The following SAMM50 variants were observed in gnomAD, a reference collection of about 807,000 sequenced individuals.
SAMM50 encodes the protein SAMM50 sorting and assembly machinery component, also known as sorting and assembly machinery component 50 homolog.
In SAMM50, 47 loss-of-function variants were observed where a neutral mutation model predicts 66.9. The observed-to-expected ratio is 0.70, with a 90% CI of 0.56 to 0.90. SAMM50 has a LOEUF of 0.90. Among genes scored for constraint, SAMM50 ranks in the 40% least tolerant of loss-of-function variants. SAMM50 has a pLI of 0.00. For synonymous variants in SAMM50, 191 were observed against 214.1 expected, an observed-to-expected ratio of 0.89 and a Z score of 0.94; for missense variants, 535 against 595.3, an observed-to-expected ratio of 0.90 and a Z score of 1.05.
chr22:43,961,356 G>T lies in SAMM50; in HGVS notation c.22-1930G>T, dbSNP rs370332630. 3.3e-4 allele frequency among the ~76,000 whole-genome samples: 51 copies of T among 152,252 alleles called. No individual in the cohort carries two copies. In the South Asian group the frequency reaches 9.9e-3, roughly 30 times the overall value. On this transcript the variant is annotated intron_variant, in intron 1 of 14. Coordinates refer to ENST00000350028, the MANE Select transcript of SAMM50 (RefSeq NM_015380.5). ...CGTGTGGTTAAGCATGTGTCCCAGA[G>T]ACTTATGGTCAAGCAAACATAGGAA...
At chr22:43,993,604 G>C (rs374163081) in intron 14 of SAMM50, among the ~76,000 whole-genome samples, 1 of 152,358 alleles carries the variant, frequency 6.6e-6, no homozygotes, top group African/African-American at 2.4e-5. Flanking sequence ...GGTGGCAGCT[G>C]TTCAGATGTT....
chr22:43,980,125 T>TCCATCCATCCACCC (rs2050255937), intron 10 of SAMM50, among the ~76,000 whole-genome samples: 11 of 40,028 alleles, frequency 2.7e-4, no homozygotes, highest in Non-Finnish European at 4.3e-4. Flanking sequence ...CCCACCCACC[T>TCCATCCATCCACCC]ACCCACCCAC....
chr22:43,985,304 T>C (rs1002585396), intron 12 of SAMM50, among the ~76,000 whole-genome samples: 6 of 151,928 alleles, frequency 3.9e-5, no homozygotes, highest in Non-Finnish European at 5.9e-5. Context: ...GCATTCACCA[T>C]TCCAGGATCA....
At chr22:43,956,733 G>A (rs891934434) in intron 1 of SAMM50, among the ~76,000 whole-genome samples, 1 of 152,212 alleles carries the variant, frequency 6.6e-6, no homozygotes. Flanking sequence ...ATGGGACAGG[G>A]AGATGAGGAA....
chr22:43,960,173 C>T (rs2050140812), intron 1 of SAMM50, among the ~76,000 whole-genome samples: 1 of 152,084 alleles, frequency 6.6e-6, no homozygotes, highest in Admixed American at 6.6e-5. Flanking sequence ...TTACTTTGTT[C>T]ATATTTTTGA....
chr22:43,967,541 C>G (rs564222865), intron 3 of SAMM50, among the ~76,000 whole-genome samples: 1 of 152,330 alleles, frequency 6.6e-6, no homozygotes, highest in African/African-American at 2.4e-5. Context: ...GTCTGTCCTC[C>G]CCTCCAATAC....
intron 1 of SAMM50, among the ~76,000 whole-genome samples, chr22:43,960,329 A>G (rs569781561): frequency 3.3e-5 from 5 of 152,348 alleles, no homozygotes; most frequent in African/African-American, 1.2e-4. Context: ...CACCCAGCAC[A>G]CAGTGGACTT....
At chr22:43,977,163 CAGG>C (rs2050237049) in intron 9 of SAMM50, among the ~76,000 whole-genome samples, 1 of 152,198 alleles carries the variant, frequency 6.6e-6, no homozygotes, top group Admixed American at 6.5e-5. Flanking sequence ...TCAATGGCTG[CAGG>C]GCAGGTGCAT....
chr22:43,989,953 A>T (rs1233395829), intron 13 of SAMM50, among the ~76,000 whole-genome samples: 1 of 152,188 alleles, frequency 6.6e-6, no homozygotes, highest in African/African-American at 2.4e-5. Flanking sequence ...GAAGTCTCCA[A>T]GCTGAGACTC....
In SAMM50 at chr22:43,973,326, G is replaced by C. The variant is rs1283642652; in HGVS notation, c.648+3G>C. ...GAGGAATGTCAGCTGAGTACAGTGTGAGTAGCATTTCAGTCCTTCCCTCTG... is the reference window on the plus strand; with the variant it reads ...GAGGAATGTCAGCTGAGTACAGTGTCAGTAGCATTTCAGTCCTTCCCTCTG... On this transcript the variant is annotated splice_donor_region_variant and intron_variant, in intron 7 of 14. Coordinates refer to ENST00000350028, the MANE Select transcript of SAMM50 (RefSeq NM_015380.5). 15 of 1,564,916 alleles carry C rather than the reference G, an allele frequency of 9.6e-6. No individual in the cohort carries two copies. Among genetic ancestry groups the C allele is most frequent in the Non-Finnish European group, 1.3e-5 (15 of 1,135,422 alleles).
At chr22:43,990,930 A>C (rs1218754446) in intron 14 of SAMM50, among the ~76,000 whole-genome samples, 1 of 152,130 alleles carries the variant, frequency 6.6e-6, no homozygotes, top group Non-Finnish European at 1.5e-5. Context: ...GTATAGGGCT[A>C]GTTACACAGT....
At chr22:43,967,070 C>G (rs2050177351) in intron 3 of SAMM50, among the ~76,000 whole-genome samples, 2 of 152,176 alleles carry the variant, frequency 1.3e-5, no homozygotes, top group South Asian at 2.1e-4. Context: ...TGTCTCATCA[C>G]AGTCATTCTC....
chr22:43,984,343 C>T (rs935417007), intron 12 of SAMM50, among the ~76,000 whole-genome samples: 6 of 152,132 alleles, frequency 3.9e-5, no homozygotes, highest in African/African-American at 1.2e-4. Flanking sequence ...GATGGAGTCT[C>T]GCCCTGTTGC....
In SAMM50 at chr22:43,992,076, T is replaced by C. The variant is rs1310274538; in HGVS notation, c.1364+1670T>C. ...CCTGTTTTTTCTCTTCATTTTTGTG[T>C]CTACCTTTATGTTGCCACCAAATGG... On this transcript the variant is annotated intron_variant, in intron 14 of 14. Transcript: ENST00000350028. 2.6e-5 allele frequency among the ~76,000 whole-genome samples: 4 copies of C among 152,240 alleles called. No homozygotes were observed. The East Asian group carries it at 5.8e-4, about 22-fold the overall frequency.
At chr22:43,965,184 T>TAA (rs34840511) in intron 3 of SAMM50, among the ~76,000 whole-genome samples, 1,732 of 133,012 alleles carry the variant, frequency 0.013, 40 homozygotes, top group African/African-American at 0.041. Flanking sequence ...CATTCCCACT[T>TAA]AAAAAAAAAA....
At chr22:43,973,416 A>C in intron 7 of SAMM50, 93 bp downstream of exon 7, 2 of 757,098 alleles carry the variant, frequency 2.6e-6, no homozygotes, top group Non-Finnish European at 4.7e-6. Flanking sequence ...GCAGCGTGGA[A>C]AGCACAGGCC....
At chr22:43,968,148 A>G (rs2050182955) in intron 3 of SAMM50, among the ~76,000 whole-genome samples, 1 of 150,024 alleles carries the variant, frequency 6.7e-6, no homozygotes, top group Admixed American at 6.7e-5. Flanking sequence ...AATGGCTTGA[A>G]CCTGGGAGGC....
chr22:43,996,264 G>A, intron 14 of SAMM50, 74 bp from the exon 15 acceptor site: 2 of 1,514,372 alleles, frequency 1.3e-6, no homozygotes, highest in Non-Finnish European at 1.8e-6. Flanking sequence ...TCTGAGAGGC[G>A]CATGCTCAGT....
Position 43,965,216 on chromosome 22 carries a change from A to AT in SAMM50, c.234+671dup, listed in dbSNP as rs1333074127. Among the ~76,000 whole-genome samples the AT allele has an allele frequency of 9.3e-5, 14 of 150,628 alleles. 1 individual carries two copies. The East Asian group carries it at 1.9e-3, about 21-fold the overall frequency. On this transcript the variant is annotated intron_variant, in intron 3 of 14. Transcript: ENST00000350028. Reference sequence around the variant, plus strand: ...AAAAAAAAAAAAGAATCTTTTTTCAATTTTTTTTAGATAGGGTCTTGCTCT... The same window carrying AT: ...AAAAAAAAAAAAGAATCTTTTTTCAATTTTTTTTTAGATAGGGTCTTGCTCT...
Sources: allele counts gnomAD v4.1 joint callset (sites outside exome capture counted in the v4.1 genomes callset), GRCh38; gene constraint gnomAD v4.1.1; transcripts MANE v1.5; gene names NCBI Gene and HGNC (gene_info 2026-07-23, HGNC 2026-07-21).